The following COL6A5 variants were observed in gnomAD, a reference collection of about 807,000 sequenced individuals.
COL6A5 encodes the protein collagen alpha-5(VI) chain.
A neutral mutation model predicts 65.6 loss-of-function variants in COL6A5; 48 were observed. That is an observed-to-expected ratio of 0.73 (90% CI 0.58 to 0.93). The LOEUF is 0.93. COL6A5 is among the 40% of genes least tolerant of loss of function. COL6A5 has a pLI of 0.00. For synonymous variants in COL6A5, 291 were observed against 322.8 expected (o/e 0.90, Z 1.05); for missense variants, 914 against 928.3 (o/e 0.98, Z 0.20).
exon 8 of COL6A5, chr3:130,395,334 A>G (rs1311734838): frequency 3.2e-6 from 5 of 1,550,812 alleles, no homozygotes; most frequent in Non-Finnish European, 8.7e-7. Flanking sequence ...GGAGATGTTT[A>G]TAAGGAACAT....
At chr3:130,376,963 C>T in intron 3 of COL6A5, 127 bp downstream of exon 3, 1 of 1,033,364 alleles carries the variant, frequency 9.7e-7, no homozygotes, top group South Asian at 2.0e-5. Context: ...AACTTCTACA[C>T]ATCATACCTA....
chr3:130,405,694 C>T (rs1342298928), intron 14 of COL6A5, 35 bp downstream of exon 14: 3 of 1,438,768 alleles, frequency 2.1e-6, no homozygotes, highest in Non-Finnish European at 2.9e-6. Context: ...TTCCAATTCT[C>T]TGTAACATTC....
chr3:130,421,287 T>C (rs1328750871), intron 26 of COL6A5, 38 bp from the exon 27 acceptor site: 13 of 1,548,602 alleles, frequency 8.4e-6, no homozygotes, highest in Non-Finnish European at 1.1e-5. Context: ...GCAGAAGTGA[T>C]ATGTTGATGT....
rs530023160 is a variant in COL6A5, at chr3:130,415,849, G to A, written c.4824+142G>A. ...GGATTATCTGGGGCAAAATTCTAGC[G>A]CAGCTCAGATTCCTCATACGTAGCT... On this transcript the variant is annotated intron_variant and NMD_transcript_variant, in intron 23 of 41. Transcript: ENST00000312481. 1.5e-4 allele frequency: 92 copies of A among 620,970 alleles called. 2 individuals carry two copies. The South Asian group carries it at 2.1e-3, about 14-fold the overall frequency. The allele number at this position is 620,970 out of a possible 1,614,324, so 38.5% of individuals were successfully genotyped here.
chr3:130,381,826 T>A (rs1936005912), intron 4 of COL6A5, among the ~76,000 whole-genome samples: 1 of 152,082 alleles, frequency 6.6e-6, no homozygotes, highest in African/African-American at 2.4e-5. Flanking sequence ...ATAGGAGGGA[T>A]ATGTGGCATA....
chr3:130,445,621 A>C (rs1259016437), intron 4 of COL6A5, among the ~76,000 whole-genome samples: 2 of 152,182 alleles, frequency 1.3e-5, no homozygotes, highest in East Asian at 3.9e-4. Flanking sequence ...CAATTTCCGA[A>C]GTTCTGGGTG....
In COL6A5 at chr3:130,370,853, A is replaced by T. The variant is rs146203272; in HGVS notation, c.-28-2758A>T. Among the ~76,000 whole-genome samples, 481 of 152,324 alleles carry T rather than the reference A, an allele frequency of 3.2e-3. 2 individuals are homozygous for T. The highest frequency in any genetic ancestry group is 0.011 in the African/African-American group (453 of 41,572). ...ATTGCTACTATTTTGGAGCCAAGAC[A>T]TGCAAAGTGGGAATTTGAGCTGAAG... On this transcript the variant is annotated intron_variant and NMD_transcript_variant, in intron 1 of 41. Transcript: ENST00000312481.
At chr3:130,407,092 A>G (rs1161195976) in intron 17 of COL6A5, among the ~76,000 whole-genome samples, 1 of 152,190 alleles carries the variant, frequency 6.6e-6, no homozygotes, top group East Asian at 1.9e-4. Context: ...GGTTGTCCAG[A>G]AAGTCTTCCT....
intron 10 of COL6A5, 128 bp from the exon 11 acceptor site, chr3:130,400,903 C>T (rs915094132): frequency 2.8e-6 from 2 of 726,784 alleles, no homozygotes; most frequent in Non-Finnish European, 2.1e-6. Context: ...AGTACTCCTT[C>T]CTCTTATGTT....
At chr3:130,484,777 C>G (rs1710332069) in exon 8 of COL6A5, 2 of 398,696 alleles carry the variant, frequency 5.0e-6, no homozygotes, top group African/African-American at 4.1e-5. Flanking sequence ...TCTATATGAC[C>G]AGAGATGTTC....
intron 29 of COL6A5, among the ~76,000 whole-genome samples, chr3:130,425,664 T>C (rs1937588840): frequency 6.6e-6 from 1 of 152,188 alleles, no homozygotes; most frequent in South Asian, 2.1e-4. Context: ...ATGAGCTTGT[T>C]GTAATGATTT....
upstream of COL6A5, among the ~76,000 whole-genome samples, chr3:130,429,909 C>T (rs910683276): frequency 1.3e-5 from 2 of 152,290 alleles, no homozygotes; most frequent in South Asian, 4.2e-4. Flanking sequence ...CTGCTGACGC[C>T]CTTGACACTG....
chr3:130,430,154 G>A (rs1395020726), upstream of COL6A5, among the ~76,000 whole-genome samples: 1 of 152,336 alleles, frequency 6.6e-6, no homozygotes, highest in East Asian at 1.9e-4. Flanking sequence ...GCCTGCTGAT[G>A]TAGACCCTCA....
chr3:130,459,577 CA>C (rs985006489), intron 5 of COL6A5, among the ~76,000 whole-genome samples: 7 of 152,040 alleles, frequency 4.6e-5, no homozygotes, highest in African/African-American at 1.7e-4. Flanking sequence ...CCCCTCACAA[CA>C]ATGAATTATC....
At chr3:130,447,057 G>C (rs1256664810) in intron 4 of COL6A5, among the ~76,000 whole-genome samples, 1 of 152,086 alleles carries the variant, frequency 6.6e-6, no homozygotes, top group African/African-American at 2.4e-5. Flanking sequence ...GATTGTAAGC[G>C]ATTCCAGTAA....
At chr3:130,458,222 G>A (rs1245308669) in intron 5 of COL6A5, among the ~76,000 whole-genome samples, 1 of 152,050 alleles carries the variant, frequency 6.6e-6, no homozygotes, top group Non-Finnish European at 1.5e-5. Flanking sequence ...AGCAGCCGAA[G>A]GACAACCTAT....
chr3:130,426,212 A>G lies in COL6A5; in HGVS notation c.5164-2A>G, dbSNP rs1267007825. On this transcript the variant is annotated splice_acceptor_variant and NMD_transcript_variant, in intron 29 of 41. Transcript: ENST00000312481. ...AACTTGCTCTGTTTTTGTTTTTCCT[A>G]GGGCATTAAAGGCATGGCAGGGCAG... The G allele has an allele frequency of 6.4e-7, 1 of 1,550,970 alleles. No homozygotes were observed. The highest frequency in any genetic ancestry group is 8.7e-7 in the Non-Finnish European group (1 of 1,146,604).
intron 13 of COL6A5, among the ~76,000 whole-genome samples, chr3:130,404,676 T>C (rs939454082): frequency 6.6e-6 from 1 of 152,184 alleles, no homozygotes; most frequent in Non-Finnish European, 1.5e-5. Context: ...TGGGAAGCCA[T>C]AGGGCTAAGG....
chr3:130,453,096 G>A (rs1191851815), intron 4 of COL6A5, among the ~76,000 whole-genome samples: 2 of 152,006 alleles, frequency 1.3e-5, no homozygotes, highest in East Asian at 1.9e-4. Flanking sequence ...TCTACAATTT[G>A]TGCAGTTAAC....
Sources: allele counts gnomAD v4.1 joint callset (sites outside exome capture counted in the v4.1 genomes callset), GRCh38; gene constraint gnomAD v4.1.1; transcripts MANE v1.5; gene names NCBI Gene and HGNC (gene_info 2026-07-23, HGNC 2026-07-21).